LUZP2: variants seen among roughly 807,000 people sequenced by gnomAD.
LUZP2 encodes leucine zipper protein 2.
A neutral mutation model predicts 51.6 loss-of-function variants in LUZP2; 52 were observed. The ratio of observed to expected loss-of-function variants is 1.01; its 90% CI spans 0.81 to 1.27. LUZP2 has a LOEUF of 1.27. Among genes scored for constraint, LUZP2 ranks in the 50% most tolerant of loss-of-function variants. The pLI is 0.00. For missense variants in LUZP2, 436 were observed against 395.4 expected, an observed-to-expected ratio of 1.10 and a Z score of -0.87; for synonymous variants, 154 against 137.3, an observed-to-expected ratio of 1.12 and a Z score of -0.85.
At chr11:24,923,484 G>A (rs1854135486) in intron 7 of LUZP2, among the ~76,000 whole-genome samples, 1 of 151,912 alleles carries the variant, frequency 6.6e-6, no homozygotes, top group African/African-American at 2.4e-5. Flanking sequence ...ATCACCTGAG[G>A]TCAGGAGATT....
chr11:24,893,932 A>G (rs958738660), intron 5 of LUZP2, among the ~76,000 whole-genome samples: 4 of 152,188 alleles, frequency 2.6e-5, no homozygotes, highest in African/African-American at 9.6e-5. Flanking sequence ...TACAATTAGT[A>G]GAGATTTTTG....
intron 1 of LUZP2, chr11:24,646,617 T>C (rs1240670042): frequency 9.1e-6 from 9 of 983,970 alleles, no homozygotes; most frequent in Non-Finnish European, 1.1e-5. Context: ...TTGTCAGGTA[T>C]CAATGATTTT....
At chr11:25,002,217 G>A (rs886819103) in intron 9 of LUZP2, among the ~76,000 whole-genome samples, 2 of 152,212 alleles carry the variant, frequency 1.3e-5, no homozygotes, top group Non-Finnish European at 2.9e-5. Context: ...TTACTTTCAA[G>A]TATGGTTACA....
intron 5 of LUZP2, among the ~76,000 whole-genome samples, chr11:24,805,080 C>A (rs1442801027): frequency 6.6e-6 from 1 of 151,474 alleles, no homozygotes; most frequent in Non-Finnish European, 1.5e-5. Context: ...AAAGACACAC[C>A]CAATACTGGG....
intron 6 of LUZP2, among the ~76,000 whole-genome samples, chr11:24,911,688 G>A (rs1853642201): frequency 6.6e-6 from 1 of 152,124 alleles, no homozygotes; most frequent in Non-Finnish European, 1.5e-5. Context: ...TTTCCTTATA[G>A]CAGTGTGAGA....
intron 1 of LUZP2, among the ~76,000 whole-genome samples, chr11:24,512,784 CTGTT>C (rs1850352576): frequency 6.7e-6 from 1 of 149,044 alleles, no homozygotes; most frequent in Non-Finnish European, 1.5e-5. Flanking sequence ...GAGTCTCACT[CTGTT>C]GCCCAGGCTG....
chr11:24,572,025 C>G (rs961758790), intron 1 of LUZP2, among the ~76,000 whole-genome samples: 4 of 151,788 alleles, frequency 2.6e-5, no homozygotes, highest in Admixed American at 6.6e-5. Flanking sequence ...ACTCTGGATT[C>G]TTAAGATTTA....
chr11:24,518,129 TCAAA>T (rs1472824717), intron 1 of LUZP2, among the ~76,000 whole-genome samples: 1 of 152,132 alleles, frequency 6.6e-6, no homozygotes, highest in Non-Finnish European at 1.5e-5. Context: ...AACATTGAAT[TCAAA>T]CAAATAAAAA....
intron 1 of LUZP2, among the ~76,000 whole-genome samples, chr11:24,721,856 T>C (rs563750701): frequency 6.6e-6 from 1 of 152,256 alleles, no homozygotes; most frequent in East Asian, 1.9e-4. Flanking sequence ...AATAACAAAA[T>C]TTAAACTTTT....
intron 9 of LUZP2, among the ~76,000 whole-genome samples, chr11:24,987,900 A>G (rs1856233676): frequency 6.6e-6 from 1 of 151,986 alleles, no homozygotes; most frequent in South Asian, 2.1e-4. Flanking sequence ...GGCTTCAAAA[A>G]TGCTCACACC....
chr11:24,752,389 A>G (rs1859624754), intron 4 of LUZP2, among the ~76,000 whole-genome samples: 1 of 152,170 alleles, frequency 6.6e-6, no homozygotes, highest in Admixed American at 6.6e-5. Context: ...ATGTTAAAGC[A>G]CGTAAAGCAT....
intron 1 of LUZP2, among the ~76,000 whole-genome samples, chr11:24,610,103 CTG>C (rs1207911326): frequency 6.6e-6 from 1 of 152,212 alleles, no homozygotes; most frequent in African/African-American, 2.4e-5. Context: ...TCCAACGTAA[CTG>C]TGTAAATACC....
chr11:24,947,047 G>A (rs191357612), intron 7 of LUZP2, among the ~76,000 whole-genome samples: 17 of 151,952 alleles, frequency 1.1e-4, no homozygotes, highest in Middle Eastern at 6.8e-3. Context: ...CCAAAAATCC[G>A]CATATAACTT....
intron 5 of LUZP2, among the ~76,000 whole-genome samples, chr11:24,832,415 T>G (rs1850728924): frequency 6.6e-6 from 1 of 152,004 alleles, no homozygotes; most frequent in Admixed American, 6.6e-5. Flanking sequence ...TTATTATAAC[T>G]ATAACAGGTT....
chr11:24,846,091 T>G (rs558166763), intron 5 of LUZP2, among the ~76,000 whole-genome samples: 88 of 151,616 alleles, frequency 5.8e-4, no homozygotes, highest in African/African-American at 2.0e-3. Flanking sequence ...AAGAGTCAAC[T>G]GAAGGGCTTA....
chr11:24,905,256 T>C (rs968530726), intron 5 of LUZP2, among the ~76,000 whole-genome samples: 8 of 152,168 alleles, frequency 5.3e-5, no homozygotes, highest in African/African-American at 1.9e-4. Flanking sequence ...CCAGGTGCGG[T>C]GGCTGATACC....
At chr11:24,799,978 A>C (rs1849651954) in intron 5 of LUZP2, among the ~76,000 whole-genome samples, 1 of 152,202 alleles carries the variant, frequency 6.6e-6, no homozygotes, top group African/African-American at 2.4e-5. Context: ...TTTTAGCTAA[A>C]GGACGAAACA....
chr11:24,905,258 G>A (rs1853409824), intron 5 of LUZP2, among the ~76,000 whole-genome samples: 1 of 152,126 alleles, frequency 6.6e-6, no homozygotes, highest in South Asian at 2.1e-4. Flanking sequence ...AGGTGCGGTG[G>A]CTGATACCTG....
chr11:24,996,571 TTTTTTATTTTA>T (rs1446608923), intron 9 of LUZP2, among the ~76,000 whole-genome samples: 74 of 145,210 alleles, frequency 5.1e-4, no homozygotes, highest in African/African-American at 1.8e-3. Flanking sequence ...TCTTTTTTCT[TTTTTTATTTTA>T]TTTTATTTTA....
Sources: gnomAD v4.1 joint callset for allele counts (sites outside exome capture counted in the v4.1 genomes callset) on GRCh38, gnomAD v4.1.1 for gene constraint, MANE v1.5 for transcripts, NCBI Gene and HGNC (gene_info 2026-07-23, HGNC 2026-07-21) for gene names.